PLXDC2: variants seen among roughly 807,000 people sequenced by gnomAD.
The protein encoded by PLXDC2 is plexin domain-containing protein 2.
A neutral mutation model predicts 68.9 loss-of-function variants in PLXDC2; 40 were observed. The observed-to-expected ratio is 0.58, with a 90% confidence interval of 0.45 to 0.76. PLXDC2 has a LOEUF of 0.76. Ranked by LOEUF, PLXDC2 falls within the 30% of genes least tolerant of loss-of-function variation. The probability of loss-of-function intolerance (pLI) is 0.00; values close to 1 mark genes in which losing one functional copy is unlikely to be tolerated. For missense variants in PLXDC2, 644 were observed against 661.9 expected, an observed-to-expected ratio of 0.97 and a Z score of 0.30; for synonymous variants, 243 against 234.2, an observed-to-expected ratio of 1.04 and a Z score of -0.34.
chr10:20,126,431 A>C (rs1390146513), intron 4 of PLXDC2, among the ~76,000 whole-genome samples: 2 of 142,440 alleles, frequency 1.4e-5, no homozygotes, highest in African/African-American at 5.1e-5. Flanking sequence ...ATATATGTAT[A>C]TACAACACAC....
chr10:19,910,913 G>A (rs1037798130), intron 1 of PLXDC2, among the ~76,000 whole-genome samples: 3 of 152,086 alleles, frequency 2.0e-5, no homozygotes, highest in African/African-American at 7.2e-5. Flanking sequence ...GGGAGGCTGA[G>A]GCAGAGAATC....
Position 20,014,536 on chromosome 10 carries a change from C to A in PLXDC2, c.324+12550C>A, listed in dbSNP as rs867312098. 4.0e-5 allele frequency among the ~76,000 whole-genome samples: 6 copies of A among 151,600 alleles called. No homozygotes were observed. The South Asian group carries it at 1.2e-3, about 32-fold the overall frequency. On this transcript the variant is annotated intron_variant, in intron 2 of 13. Coordinates refer to ENST00000377252, the MANE Select transcript of PLXDC2 (RefSeq NM_032812.9). ...CAAGGTAAATCTGTTTATTTCAGGACACCTTCTTGAAGCAGCTATAGCTCA... is the reference window on the plus strand; with the variant it reads ...CAAGGTAAATCTGTTTATTTCAGGAAACCTTCTTGAAGCAGCTATAGCTCA...
intron 3 of PLXDC2, among the ~76,000 whole-genome samples, chr10:20,056,758 T>A (rs1026767059): frequency 3.3e-5 from 5 of 152,132 alleles, no homozygotes; most frequent in African/African-American, 1.2e-4. Context: ...TCATCTTGGG[T>A]CTTTAGTGGA....
chr10:20,223,984 T>C (rs1485776559), intron 12 of PLXDC2, among the ~76,000 whole-genome samples: 1 of 151,584 alleles, frequency 6.6e-6, no homozygotes, highest in Non-Finnish European at 1.5e-5. Flanking sequence ...TTTTTTTTTT[T>C]TTTTTTTTGA....
intron 9 of PLXDC2, among the ~76,000 whole-genome samples, chr10:20,191,268 G>A (rs1834760498): frequency 6.6e-6 from 1 of 151,644 alleles, no homozygotes; most frequent in Middle Eastern, 3.2e-3. Context: ...CTGGATTAAT[G>A]AGACTAATTT....
chr10:20,217,108 T>C (rs1008900699), intron 10 of PLXDC2, among the ~76,000 whole-genome samples: 5 of 152,214 alleles, frequency 3.3e-5, no homozygotes, highest in African/African-American at 1.2e-4. Flanking sequence ...TTTTCCCTTT[T>C]GACAGTGTGT....
rs377731588 is a variant in PLXDC2 at position 20,225,091 on chromosome 10, A to G, written c.1312+5989A>G. ...TTGATTTCTAAGAATTAAAACAGAT[A>G]TACTTTGAATGAAGTCCTATGGAAT... On this transcript the variant is annotated intron_variant, in intron 12 of 13. Coordinates refer to ENST00000377252, the MANE Select transcript of PLXDC2 (RefSeq NM_032812.9). Among the ~76,000 whole-genome samples the G allele has an allele frequency of 1.1e-4, 17 of 152,352 alleles. No individual in the cohort carries two copies. The East Asian group carries it at 2.1e-3, about 19-fold the overall frequency.
chr10:19,851,442 A>G (rs1179895222), intron 1 of PLXDC2, among the ~76,000 whole-genome samples: 5 of 152,206 alleles, frequency 3.3e-5, no homozygotes, highest in Non-Finnish European at 5.9e-5. Flanking sequence ...CTCTCTTGTC[A>G]GTAACCATTT....
intron 1 of PLXDC2, among the ~76,000 whole-genome samples, chr10:19,872,308 AT>A (rs1837553300): frequency 6.6e-6 from 1 of 152,224 alleles, no homozygotes; most frequent in Non-Finnish European, 1.5e-5. Flanking sequence ...TCAAAGCAGG[AT>A]TGAAAAGTCA....
intron 10 of PLXDC2, among the ~76,000 whole-genome samples, chr10:20,215,482 C>T (rs911462638): frequency 1.3e-5 from 2 of 152,032 alleles, no homozygotes; most frequent in Admixed American, 1.3e-4. Context: ...AGTCCCTCTT[C>T]TGGGACTGCC....
intron 2 of PLXDC2, among the ~76,000 whole-genome samples, chr10:20,009,581 A>G (rs1045960418): frequency 6.6e-6 from 1 of 151,880 alleles, no homozygotes; most frequent in Non-Finnish European, 1.5e-5. Flanking sequence ...AAGCATGTGA[A>G]AGCACGTAAT....
chr10:19,966,763 T>C (rs1445199413), intron 1 of PLXDC2, among the ~76,000 whole-genome samples: 1 of 151,986 alleles, frequency 6.6e-6, no homozygotes, highest in Non-Finnish European at 1.5e-5. Context: ...GAGAGACCCA[T>C]AATTTGAGAA....
chr10:19,847,576 A>T (rs1837030944), intron 1 of PLXDC2, among the ~76,000 whole-genome samples: 1 of 152,194 alleles, frequency 6.6e-6, no homozygotes. Context: ...GGAGCCCAGC[A>T]AACTGAACCT....
rs547110898 is a variant in PLXDC2, at chr10:20,018,834, A to G, written c.324+16848A>G. On this transcript the variant is annotated intron_variant, in intron 2 of 13. Transcript: ENST00000377252. ...CAGGAGCTGTTCTATGGTGATTACTAGTTTCCTAAAAATAAACAAATGAGG... is the reference window on the plus strand; with the variant it reads ...CAGGAGCTGTTCTATGGTGATTACTGGTTTCCTAAAAATAAACAAATGAGG... Among the ~76,000 whole-genome samples the G allele has an allele frequency of 9.8e-5, 15 of 152,332 alleles. No homozygotes were observed. The East Asian group carries it at 2.1e-3, about 22-fold the overall frequency.
chr10:20,219,890 C>A (rs1365619740), intron 12 of PLXDC2, among the ~76,000 whole-genome samples: 1 of 152,086 alleles, frequency 6.6e-6, no homozygotes, highest in Non-Finnish European at 1.5e-5. Flanking sequence ...TAGATGATTT[C>A]TTGAGTAAGT....
At chr10:19,825,970 CCTT>C (rs1836561804) in intron 1 of PLXDC2, among the ~76,000 whole-genome samples, 1 of 152,172 alleles carries the variant, frequency 6.6e-6, no homozygotes, top group African/African-American at 2.4e-5. Flanking sequence ...TTTCTCTTCT[CCTT>C]CTCCTTTTGC....
chr10:19,996,401 G>C (rs888322002), intron 1 of PLXDC2, among the ~76,000 whole-genome samples: 4 of 152,194 alleles, frequency 2.6e-5, no homozygotes, highest in African/African-American at 9.6e-5. Flanking sequence ...GGGCTACAAA[G>C]TGAGACCCCA....
At chr10:20,047,447 G>A (rs1044438894) in intron 3 of PLXDC2, among the ~76,000 whole-genome samples, 2 of 152,050 alleles carry the variant, frequency 1.3e-5, no homozygotes, top group Non-Finnish European at 2.9e-5. Flanking sequence ...AGTCATTTAT[G>A]ACTTAGATAA....
intron 1 of PLXDC2, among the ~76,000 whole-genome samples, chr10:19,927,310 G>A (rs918285567): frequency 1.3e-5 from 2 of 152,068 alleles, no homozygotes; most frequent in South Asian, 2.1e-4. Flanking sequence ...AGGAGATCCC[G>A]GAGGAAGCTG....
Sources: gnomAD v4.1 joint callset for allele counts (sites outside exome capture counted in the v4.1 genomes callset) on GRCh38, gnomAD v4.1.1 for gene constraint, MANE v1.5 for transcripts, NCBI Gene and HGNC (gene_info 2026-07-23, HGNC 2026-07-21) for gene names.